The following MEMO1 variants were observed in gnomAD, a reference collection of about 807,000 sequenced individuals.
The protein encoded by MEMO1 is protein MEMO1.
Under a neutral mutation model 45.2 loss-of-function variants are expected in MEMO1, and 6 were observed. The observed-to-expected ratio is 0.13, with a 90% CI of 0.07 to 0.26. The LOEUF is 0.26. MEMO1 is among the 10% of genes least tolerant of loss of function. The pLI is 1.00. For synonymous variants in MEMO1, 78 were observed against 124.3 expected (o/e 0.63, Z 2.48); for missense variants, 184 against 370.5 (o/e 0.50, Z 4.13).
chr2:31,980,160 G>A (rs1012593766), intron 2 of MEMO1, among the ~76,000 whole-genome samples: 4 of 152,148 alleles, frequency 2.6e-5, no homozygotes, highest in Non-Finnish European at 2.9e-5. Flanking sequence ...TGCCAGGCAT[G>A]GTGACTCACA....
chr2:31,877,989 G>T (rs1024363186), intron 8 of MEMO1, among the ~76,000 whole-genome samples: 3 of 152,164 alleles, frequency 2.0e-5, no homozygotes, highest in Non-Finnish European at 4.4e-5. Flanking sequence ...CAAATATCCT[G>T]ATTGACAGAA....
chr2:31,944,274 C>A (rs1431807260), intron 2 of MEMO1, among the ~76,000 whole-genome samples: 1 of 152,230 alleles, frequency 6.6e-6, no homozygotes, highest in Non-Finnish European at 1.5e-5. Flanking sequence ...GCTCTCCTAT[C>A]TTTAAGATAG....
chr2:31,923,875 C>T (rs946227690), intron 4 of MEMO1: 3 of 1,069,756 alleles, frequency 2.8e-6, no homozygotes, highest in Non-Finnish European at 2.6e-6. Flanking sequence ...CACCAGAGGT[C>T]TGCTGGAAGC....
At chr2:31,971,254 A>G (rs977186888) in intron 2 of MEMO1, among the ~76,000 whole-genome samples, 7 of 152,004 alleles carry the variant, frequency 4.6e-5, no homozygotes, top group African/African-American at 1.4e-4. Flanking sequence ...GTAAGCATAA[A>G]CCTTTTTTTT....
chr2:31,906,035 G>A lies in MEMO1; in HGVS notation c.437+11891C>T, dbSNP rs548203111. 5.9e-5 allele frequency among the ~76,000 whole-genome samples: 9 copies of A among 151,348 alleles called. No homozygotes were observed. In the South Asian group the frequency reaches 6.3e-4, roughly 11 times the overall value. On this transcript the variant is annotated intron_variant, in intron 6 of 9. Coordinates refer to ENST00000404530, the MANE Select transcript of MEMO1 (RefSeq NM_001301833.4). ...GTCGCCTGGGCTGGAGTGCAATGGCGCAATCTCGGGCACTGCAACCTCTGC... is the reference window on the plus strand; with the variant it reads ...GTCGCCTGGGCTGGAGTGCAATGGCACAATCTCGGGCACTGCAACCTCTGC...
chr2:31,974,151 C>T (rs1558546021), intron 2 of MEMO1, among the ~76,000 whole-genome samples: 2 of 141,240 alleles, frequency 1.4e-5, no homozygotes, highest in Non-Finnish European at 3.1e-5. Flanking sequence ...ATTCACAAAA[C>T]ATGCTAACTT....
Position 31,943,023 on chromosome 2 carries a change from G to A in MEMO1, c.143+279C>T, listed in dbSNP as rs148088627. Among the ~76,000 whole-genome samples, 880 of 152,308 alleles carry A rather than the reference G, an allele frequency of 5.8e-3. 7 individuals are homozygous for A. The highest frequency in any genetic ancestry group is 0.01 in the Admixed American group (155 of 15,288). ...AACTTACAGTGCAGGCCAGGCGTGA[G>A]CGAGACCGAGGCAGGTGGATCATTT... On this transcript the variant is annotated intron_variant, in intron 3 of 9. Transcript: ENST00000404530.
At chr2:31,938,272 C>A (rs1414918955) in intron 3 of MEMO1, among the ~76,000 whole-genome samples, 1 of 151,824 alleles carries the variant, frequency 6.6e-6, no homozygotes, top group African/African-American at 2.4e-5. Flanking sequence ...TTCACACAGC[C>A]TAATTAGTTA....
At chr2:31,925,475 CAAAAA>C (rs70964741) in intron 4 of MEMO1, among the ~76,000 whole-genome samples, 21 of 79,234 alleles carry the variant, frequency 2.7e-4, no homozygotes, top group Non-Finnish European at 4.1e-4. Flanking sequence ...GACTCCGTCT[CAAAAA>C]AAAAAAAAAA....
intron 2 of MEMO1, chr2:31,963,114 T>TC: frequency 6.8e-7 from 1 of 1,468,004 alleles, no homozygotes; most frequent in Non-Finnish European, 9.1e-7. Flanking sequence ...CCTCAGTCTC[T>TC]AACTACACCA....
chr2:31,925,484 A>AG (rs1682960310), intron 4 of MEMO1, among the ~76,000 whole-genome samples: 1 of 94,878 alleles, frequency 1.1e-5, no homozygotes, highest in African/African-American at 2.8e-5. Context: ...TCAAAAAAAA[A>AG]AAAAAAAAAA....
At position 31,920,929 on chromosome 2, in the gene MEMO1, A is replaced by G. The variant is rs537586463; in HGVS notation, c.213-19T>C. ...TCTCCGGCTAGGAGATACACAACAA[A>G]AAAACACGTAACAATTGCACTTCTA... On this transcript the variant is annotated intron_variant, in intron 4 of 9. Coordinates refer to ENST00000404530, the MANE Select transcript of MEMO1 (RefSeq NM_001301833.4). The G allele has an allele frequency of 4.5e-5, 67 of 1,495,640 alleles. No individual in the cohort carries two copies. In the African/African-American group the frequency reaches 7.7e-4, roughly 17 times the overall value. 92.6% of individuals were successfully genotyped at this position (1,495,640 alleles called of 1,614,324 possible).
intron 8 of MEMO1, among the ~76,000 whole-genome samples, chr2:31,881,444 A>G (rs767783734): frequency 6.2e-4 from 87 of 140,616 alleles, no homozygotes; most frequent in Non-Finnish European, 1.1e-3. Context: ...GCAGTGAGCC[A>G]TGATGGTGCT....
At chr2:31,911,643 T>C (rs1306956191) in intron 6 of MEMO1, among the ~76,000 whole-genome samples, 1 of 152,190 alleles carries the variant, frequency 6.6e-6, no homozygotes, top group Non-Finnish European at 1.5e-5. Context: ...TAATGCCATA[T>C]AAAAGCATCT....
At chr2:31,882,136 C>T (rs558945547) in intron 8 of MEMO1, among the ~76,000 whole-genome samples, 18 of 151,678 alleles carry the variant, frequency 1.2e-4, no homozygotes, top group African/African-American at 4.1e-4. Context: ...AGAGTGAGAC[C>T]TTCTCTCTAA....
intron 2 of MEMO1, among the ~76,000 whole-genome samples, chr2:31,995,493 G>A (rs985849035): frequency 1.3e-5 from 2 of 151,910 alleles, no homozygotes; most frequent in African/African-American, 2.4e-5. Context: ...ATATAGAGAT[G>A]AAAATTATAA....
intron 8 of MEMO1, among the ~76,000 whole-genome samples, chr2:31,880,479 G>A (rs1675197760): frequency 6.6e-6 from 1 of 152,126 alleles, no homozygotes; most frequent in Admixed American, 6.5e-5. Flanking sequence ...TATACTACAT[G>A]ATATATTCTA....
At chr2:31,932,530 C>T (rs1369741710) in intron 3 of MEMO1, among the ~76,000 whole-genome samples, 2 of 151,966 alleles carry the variant, frequency 1.3e-5, no homozygotes. Flanking sequence ...CCTCAACCTC[C>T]CAGGCTCAAG....
chr2:31,873,294 C>A (rs1448838160), intron 8 of MEMO1, among the ~76,000 whole-genome samples: 5 of 152,016 alleles, frequency 3.3e-5, no homozygotes, highest in Non-Finnish European at 5.9e-5. Context: ...TTATAAACAC[C>A]AAAAGCCCAT....
Sources: allele counts gnomAD v4.1 joint callset (sites outside exome capture counted in the v4.1 genomes callset), GRCh38; gene constraint gnomAD v4.1.1; transcripts MANE v1.5; gene names NCBI Gene and HGNC (gene_info 2026-07-23, HGNC 2026-07-21).